The following C3orf49 variants were observed in gnomAD, a reference collection of about 807,000 sequenced individuals.
The protein encoded by C3orf49 is putative uncharacterized protein C3orf49.
In C3orf49, 27 loss-of-function variants were observed where a neutral mutation model predicts 13.3. The ratio of observed to expected loss-of-function variants is 2.02; its 90% CI spans 1.49 to 2.79. The LOEUF (loss-of-function observed/expected upper bound fraction) is 2.79. Ranked by LOEUF, C3orf49 falls within the 30% of genes most tolerant of loss-of-function variation. The pLI is 0.00. For missense variants in C3orf49, 242 were observed against 134.2 expected, an observed-to-expected ratio of 1.80 and a Z score of -3.97; for synonymous variants, 87 against 47.6, an observed-to-expected ratio of 1.83 and a Z score of -3.40.
At chr3:63,837,841 T>G in intron 5 of C3orf49, 1 of 633,064 alleles carries the variant, frequency 1.6e-6, no homozygotes, top group Non-Finnish European at 2.6e-6. Flanking sequence ...AATATAGTTT[T>G]AAGGAATTAA....
At chr3:63,783,798 G>T in the C3orf49 span, among the ~76,000 whole-genome samples, 186 of 151,890 alleles carry the variant, frequency 1.2e-3, no homozygotes, top group Non-Finnish European at 2.6e-4. Context: ...AAGGAATAAG[G>T]TATGGATGAG....
the C3orf49 span, among the ~76,000 whole-genome samples, chr3:63,810,972 G>A: frequency 2.6e-5 from 4 of 152,040 alleles, no homozygotes; most frequent in African/African-American, 7.2e-5. Flanking sequence ...TCAGCCTTCC[G>A]AGTAGCTGGA....
chr3:63,815,375 G>A (rs112622726), upstream of C3orf49, among the ~76,000 whole-genome samples: 3 of 151,998 alleles, frequency 2.0e-5, no homozygotes, highest in African/African-American at 7.3e-5. Context: ...ATCTGTTGCC[G>A]GCCTGGACCA....
At chr3:63,837,613 C>A (rs1163348189) in intron 5 of C3orf49, among the ~76,000 whole-genome samples, 3 of 151,714 alleles carry the variant, frequency 2.0e-5, no homozygotes, top group Non-Finnish European at 2.9e-5. Flanking sequence ...AAACAAAAAA[C>A]CCAAACCATA....
intron 5 of C3orf49, chr3:63,833,712 T>C (rs1482467518): frequency 2.4e-5 from 4 of 164,708 alleles, no homozygotes; most frequent in African/African-American, 7.2e-5. Context: ...AGCCTCTTCA[T>C]AGACTCCGTT....
chr3:63,812,832 G>A, the C3orf49 span, among the ~76,000 whole-genome samples: 2 of 152,170 alleles, frequency 1.3e-5, no homozygotes, highest in Non-Finnish European at 2.9e-5. Context: ...AAGTCAAACA[G>A]TAAAGTCTAT....
chr3:63,833,048 G>A (rs947593716), intron 5 of C3orf49, among the ~76,000 whole-genome samples: 1 of 151,308 alleles, frequency 6.6e-6, no homozygotes, highest in Non-Finnish European at 1.5e-5. Context: ...AAGTGATTCC[G>A]CCTTAGCTTA....
upstream of C3orf49, among the ~76,000 whole-genome samples, chr3:63,814,634 G>C (rs1559596485): frequency 6.6e-6 from 1 of 152,102 alleles, no homozygotes; most frequent in African/African-American, 2.4e-5. Context: ...AATGTCCGGG[G>C]AATGATCACA....
the C3orf49 span, among the ~76,000 whole-genome samples, chr3:63,783,577 G>A: frequency 1.4e-5 from 2 of 147,542 alleles, no homozygotes; most frequent in African/African-American, 5.0e-5. Context: ...AATTAGCCAG[G>A]TGTGGTGGCG....
chr3:63,814,946 T>C (rs1185978179), upstream of C3orf49, among the ~76,000 whole-genome samples: 1 of 152,184 alleles, frequency 6.6e-6, no homozygotes, highest in Non-Finnish European at 1.5e-5. Context: ...CATCTGTTTT[T>C]TGGGAGGCCT....
chr3:63,787,765 T>C, the C3orf49 span, among the ~76,000 whole-genome samples: 1 of 152,244 alleles, frequency 6.6e-6, no homozygotes, highest in South Asian at 2.1e-4. Flanking sequence ...CCATTGTATC[T>C]GTAATGATGC....
chr3:63,811,944 A>C, the C3orf49 span, among the ~76,000 whole-genome samples: 1 of 151,812 alleles, frequency 6.6e-6, no homozygotes, highest in Non-Finnish European at 1.5e-5. Context: ...TAAAAAAAAA[A>C]ACTAGTTGAA....
chr3:63,837,935 GTAATAAT>G (rs1701668398), intron 5 of C3orf49: 2 of 1,553,892 alleles, frequency 1.3e-6, no homozygotes, highest in African/African-American at 2.8e-5. Flanking sequence ...ACTGTAGTCA[GTAATAAT>G]GTATTTGCAC....
chr3:63,847,077 T>C (rs1277995468), intron 6 of C3orf49, among the ~76,000 whole-genome samples: 1 of 152,046 alleles, frequency 6.6e-6, no homozygotes, highest in Non-Finnish European at 1.5e-5. Flanking sequence ...ATCGAAGAAT[T>C]GCGTAGGCGA....
At chr3:63,846,853 C>T (rs540744278) in intron 6 of C3orf49, among the ~76,000 whole-genome samples, 4 of 152,204 alleles carry the variant, frequency 2.6e-5, no homozygotes, top group South Asian at 2.1e-4. Flanking sequence ...AAGTCCCGTC[C>T]GATCTACTTA....
chr3:63,819,718 G>C (rs1221570086), intron 1 of C3orf49, 122 bp downstream of exon 1: 2 of 606,058 alleles, frequency 3.3e-6, no homozygotes, highest in Admixed American at 5.4e-5. Context: ...GGAGGGTACT[G>C]CGTTGGATCA....
chr3:63,807,857 C>CAAAAAAAAAAAAAAAAA, the C3orf49 span, among the ~76,000 whole-genome samples: 8 of 32,222 alleles, frequency 2.5e-4, no homozygotes, highest in Admixed American at 4.1e-4. Flanking sequence ...AACTTCATCT[C>CAAAAAAAAAAAAAAAAA]AAAAAAAAAA....
intron 5 of C3orf49, among the ~76,000 whole-genome samples, chr3:63,840,749 A>G (rs1361905765): frequency 6.6e-6 from 1 of 152,260 alleles, no homozygotes; most frequent in Non-Finnish European, 1.5e-5. Context: ...AAACCACAGT[A>G]AAACGTCATT....
chr3:63,823,766 T>TG, intron 2 of C3orf49, among the ~76,000 whole-genome samples, 197 bp downstream of exon 2: 1 of 123,056 alleles, frequency 8.1e-6, no homozygotes, highest in South Asian at 3.2e-4. Context: ...GTTCATACCG[T>TG]TGTGTGTGTG....
Sources: gnomAD v4.1 joint callset for allele counts (sites outside exome capture counted in the v4.1 genomes callset) on GRCh38, gnomAD v4.1.1 for gene constraint, MANE v1.5 for transcripts, NCBI Gene and HGNC (gene_info 2026-07-23, HGNC 2026-07-21) for gene names.